Variants in INPP5D observed in about 807,000 individuals in gnomAD.
INPP5D encodes the protein inositol polyphosphate-5-phosphatase D.
In INPP5D, 33 loss-of-function variants were observed where a neutral mutation model predicts 122.9. That is an observed-to-expected ratio of 0.27 (90% CI 0.20 to 0.36). The LOEUF (loss-of-function observed/expected upper bound fraction) is 0.36, where lower values mean the gene tolerates loss of function less well. INPP5D is among the 10% of genes least tolerant of loss of function. The pLI is 1.00. For synonymous variants in INPP5D, 584 were observed against 576.2 expected (o/e 1.01, Z -0.19); for missense variants, 1,053 against 1,412.7 (o/e 0.75, Z 4.08).
intron 13 of INPP5D, among the ~76,000 whole-genome samples, chr2:233,166,368 C>T (rs994783426): frequency 6.6e-6 from 1 of 152,234 alleles, no homozygotes; most frequent in Non-Finnish European, 1.5e-5. Context: ...TCATGTGGAC[C>T]TGACACACAT....
At chr2:233,144,913 A>G (rs1693719430) in intron 6 of INPP5D, among the ~76,000 whole-genome samples, 1 of 151,990 alleles carries the variant, frequency 6.6e-6, no homozygotes, top group South Asian at 2.1e-4. Flanking sequence ...AAAGTAGTAT[A>G]CTAAAGTAGC....
At chr2:233,144,543 TGGTGGTG>T (rs1693703073) in intron 6 of INPP5D, among the ~76,000 whole-genome samples, 1 of 114,546 alleles carries the variant, frequency 8.7e-6, no homozygotes, top group Non-Finnish European at 1.9e-5. Context: ...GTGGAGGTGG[TGGTGGTG>T]ATGGTGAGGG....
rs1259924740 is a variant in INPP5D at position 233,197,094 on chromosome 2, G to A, written c.2694-1001G>A. 6.6e-6 allele frequency among the ~76,000 whole-genome samples: 1 copy of A among 152,184 alleles called. No individual in the cohort carries two copies. Among genetic ancestry groups the A allele is most frequent in the Admixed American group, 6.5e-5 (1 of 15,278 alleles). On this transcript the variant is annotated intron_variant, in intron 24 of 26. Transcript: ENST00000445964. The surrounding 1 kb of genome is among the most constrained non-coding windows in gnomAD (Gnocchi z 4.4). Reference sequence around the variant, plus strand: ...GAACGAGCATTTATTTCTGAAGCAGGCAGTGGTGGATGGGAACAAGGTACA... The same window carrying A: ...GAACGAGCATTTATTTCTGAAGCAGACAGTGGTGGATGGGAACAAGGTACA...
At chr2:233,187,949 G>A (rs1322857808) in intron 21 of INPP5D, among the ~76,000 whole-genome samples, 2 of 151,988 alleles carry the variant, frequency 1.3e-5, no homozygotes, top group East Asian at 3.9e-4. Flanking sequence ...GGGACCCCTA[G>A]GGCCCCTGTC....
chr2:233,185,743 G>T, intron 20 of INPP5D, 100 bp from the exon 21 acceptor site: 67 of 991,312 alleles, frequency 6.8e-5, no homozygotes, highest in Middle Eastern at 2.4e-4. Context: ...AAAAAGGAGA[G>T]AGCACATCTT....
intron 1 of INPP5D, among the ~76,000 whole-genome samples, chr2:233,077,626 A>C (rs2106207816): frequency 7.6e-6 from 1 of 131,652 alleles, no homozygotes. Context: ...GTGCCATTGC[A>C]CTCCAGCCTG....
intron 2 of INPP5D, among the ~76,000 whole-genome samples, chr2:233,111,889 C>T (rs956581942): frequency 4.0e-5 from 6 of 151,848 alleles, no homozygotes; most frequent in South Asian, 2.1e-4. Context: ...GGCAAAATTC[C>T]GCCTCTACAA....
intron 25 of INPP5D, among the ~76,000 whole-genome samples, chr2:233,203,756 G>A (rs1695401202): frequency 6.6e-6 from 1 of 151,908 alleles, no homozygotes; most frequent in Non-Finnish European, 1.5e-5. Context: ...TAAAAAATTA[G>A]CCAGGCCTGG....
At chr2:233,173,151 G>A (rs1694534762) in intron 17 of INPP5D, among the ~76,000 whole-genome samples, 1 of 151,112 alleles carries the variant, frequency 6.6e-6, no homozygotes, top group Admixed American at 6.6e-5. Context: ...GGAAGTTGCA[G>A]TGAGCCGAGA....
Position 233,177,404 on chromosome 2 carries a change from G to A in INPP5D, c.2071+58G>A. On this transcript the variant is annotated intron_variant, in intron 18 of 26. Coordinates refer to ENST00000445964, the MANE Select transcript of INPP5D (RefSeq NM_001017915.3). This position sits in a 1 kb window ranked among gnomAD's most constrained non-coding sequence, Gnocchi z 4.2. ...ATCAGAGAATGGCACCAAGCTGGGA[G>A]GTGTGACTGCCCTAAAATCTAAGGG... The A allele has an allele frequency of 1.2e-6, 2 of 1,611,752 alleles. No homozygotes were observed. Among genetic ancestry groups the A allele is most frequent in the African/African-American group, 1.3e-5 (1 of 74,944 alleles).
At chr2:233,125,947 C>A (rs1287964890) in intron 4 of INPP5D, 28 bp downstream of exon 4, 2 of 1,604,032 alleles carry the variant, frequency 1.2e-6, no homozygotes, top group Non-Finnish European at 8.5e-7. Flanking sequence ...TCCAGCTGGG[C>A]CTTCATCTGC....
At chr2:233,101,233 ACT>A in intron 2 of INPP5D, among the ~76,000 whole-genome samples, 1 of 152,138 alleles carries the variant, frequency 6.6e-6, no homozygotes, top group African/African-American at 2.4e-5. Flanking sequence ...CCGTGGAGAC[ACT>A]CTAACCACAG....
intron 2 of INPP5D, among the ~76,000 whole-genome samples, chr2:233,095,459 A>C (rs1289300612): frequency 6.6e-6 from 1 of 152,086 alleles, no homozygotes; most frequent in Non-Finnish European, 1.5e-5. Context: ...ATCTCTACTA[A>C]AAATACAAAA....
chr2:233,069,104 C>A (rs1416299013), intron 1 of INPP5D, among the ~76,000 whole-genome samples: 2 of 152,188 alleles, frequency 1.3e-5, no homozygotes, highest in African/African-American at 4.8e-5. Context: ...ACGTGGGGAC[C>A]AGATTCTCTC....
Position 233,204,345 on chromosome 2 carries a change from C to G in INPP5D, c.3195C>G (p.Ala1065=), listed in dbSNP as rs1280802676. 6.2e-7 allele frequency: 1 copy of G among 1,610,718 alleles called. No individual in the cohort carries two copies. Among genetic ancestry groups the G allele is most frequent in the Non-Finnish European group, 8.5e-7 (1 of 1,178,444 alleles). The change falls in exon 26 of 27, where the codon GCC becomes GCG. Residue 1065 remains alanine (A), a synonymous_variant. Transcript: ENST00000445964. ...ILSPSIVLTK[A]QEADRGEGPG... ...CGCCCAGCATCGTGCTCACCAAAGC[C>G]CAGGAGGCTGATCGCGGCGAGGGGC...
chr2:233,098,696 A>G (rs180925678), intron 2 of INPP5D, among the ~76,000 whole-genome samples: 107 of 152,158 alleles, frequency 7.0e-4, no homozygotes, highest in African/African-American at 2.5e-3. Context: ...GCCATCCCAG[A>G]TCCACCTCCC....
At chr2:233,123,365 A>G (rs148173423) in intron 3 of INPP5D, among the ~76,000 whole-genome samples, 5,482 of 152,070 alleles carry the variant, frequency 0.036, 124 homozygotes, top group African/African-American at 0.067. Flanking sequence ...GAGGCAGAAG[A>G]ATCGCTTGAA....
intron 1 of INPP5D, among the ~76,000 whole-genome samples, chr2:233,069,182 C>T (rs1333477537): frequency 6.6e-6 from 1 of 152,182 alleles, no homozygotes; most frequent in African/African-American, 2.4e-5. Context: ...AGTGCAGGCC[C>T]CTAACAGTTT....
chr2:233,184,617 C>T (rs1694861980), intron 20 of INPP5D, 96 bp downstream of exon 20: 2 of 1,490,440 alleles, frequency 1.3e-6, no homozygotes, highest in East Asian at 2.4e-5. Context: ...TCTTCTCTCC[C>T]TGGAAAGGAC....
Sources: allele counts gnomAD v4.1 joint callset (sites outside exome capture counted in the v4.1 genomes callset), GRCh38; gene constraint gnomAD v4.1.1; non-coding constraint Gnocchi (gnomAD v3.1); transcripts MANE v1.5; gene names NCBI Gene and HGNC (gene_info 2026-07-23, HGNC 2026-07-21).